Variants in RIMBP2 observed in about 807,000 individuals in gnomAD.
RIMBP2 encodes RIMS-binding protein 2.
A neutral mutation model predicts 118.6 loss-of-function variants in RIMBP2; 48 were observed. That is an observed-to-expected ratio of 0.40 (90% CI 0.32 to 0.51). The LOEUF is 0.51. Ranked by LOEUF, RIMBP2 falls within the 20% of genes least tolerant of loss-of-function variation. RIMBP2 has a pLI of 0.41. For synonymous variants in RIMBP2, 762 were observed against 742.9 expected (o/e 1.03, Z -0.42); for missense variants, 1,551 against 1,768.3 (o/e 0.88, Z 2.20).
At chr12:130,501,319 C>T (rs762206658) in intron 4 of RIMBP2, among the ~76,000 whole-genome samples, 3 of 152,138 alleles carry the variant, frequency 2.0e-5, no homozygotes, top group Non-Finnish European at 2.9e-5. Flanking sequence ...TGGAGTGACC[C>T]TCTACAAACC....
At chr12:130,665,495 G>A (rs535391206) in intron 1 of RIMBP2, among the ~76,000 whole-genome samples, 3 of 151,156 alleles carry the variant, frequency 2.0e-5, no homozygotes, top group Non-Finnish European at 4.4e-5. Context: ...ACAGCGAGCC[G>A]AGATCACGCC....
At chr12:130,640,356 T>A (rs982377026) in intron 1 of RIMBP2, among the ~76,000 whole-genome samples, 5 of 152,260 alleles carry the variant, frequency 3.3e-5, no homozygotes, top group African/African-American at 1.2e-4. Context: ...GGAACAATTA[T>A]GTATGGAACC....
intron 1 of RIMBP2, among the ~76,000 whole-genome samples, chr12:130,662,221 G>T (rs953889645): frequency 1.3e-5 from 2 of 152,100 alleles, no homozygotes; most frequent in African/African-American, 4.8e-5. Context: ...TCTGGGGAGA[G>T]GTCAGTCTGG....
At position 130,693,353 on chromosome 12, in the gene RIMBP2, C is replaced by T. The variant is rs189440575; in HGVS notation, c.-352+22869G>A. The stretch of plus-strand genomic sequence containing the variant: ...CAATTGGGGAAAGTCTGGGTATACA[C>T]ACACTTGCAGACAATCCCATGCTAT... On this transcript the variant is annotated intron_variant, in intron 1 of 22. Coordinates refer to ENST00000690449, the MANE Select transcript of RIMBP2 (RefSeq NM_001393629.1). Among the ~76,000 whole-genome samples, 173 of 152,344 alleles carry T rather than the reference C, an allele frequency of 1.1e-3. 1 individual carries two copies. Among genetic ancestry groups the T allele is most frequent in the African/African-American group, 4.0e-3 (168 of 41,578 alleles).
At chr12:130,552,509 G>C (rs11060990) in intron 2 of RIMBP2, among the ~76,000 whole-genome samples, 6,111 of 152,186 alleles carry the variant, frequency 0.04, 397 homozygotes, top group African/African-American at 0.14. Flanking sequence ...ATGATAATGA[G>C]AGTGTTCTTT....
At chr12:130,669,775 C>A (rs904310736) in intron 1 of RIMBP2, among the ~76,000 whole-genome samples, 1 of 152,078 alleles carries the variant, frequency 6.6e-6, no homozygotes, top group African/African-American at 2.4e-5. Flanking sequence ...GGTCAGAATA[C>A]CCTTTCCGAG....
At chr12:130,451,399 G>C (rs1449497954) in intron 7 of RIMBP2, 59 bp from the exon 8 acceptor site, 3 of 1,542,328 alleles carry the variant, frequency 1.9e-6, no homozygotes, top group East Asian at 2.3e-5. Context: ...GTCAAAGCAC[G>C]TTGGTCATGC....
chr12:130,401,442 T>C (rs2074558140), intron 21 of RIMBP2, among the ~76,000 whole-genome samples: 1 of 152,044 alleles, frequency 6.6e-6, no homozygotes, highest in South Asian at 2.1e-4. Flanking sequence ...ATGTAGATTT[T>C]ATCACAAAAA....
intron 1 of RIMBP2, among the ~76,000 whole-genome samples, chr12:130,673,954 C>CAAAA (rs34875722): frequency 7.0e-6 from 1 of 142,712 alleles, no homozygotes; most frequent in African/African-American, 2.6e-5. Context: ...TTTAAAAATA[C>CAAAA]AAAAAAAAAA....
At position 130,480,578 on chromosome 12, in the gene RIMBP2, T is replaced by A. The variant is rs890948289; in HGVS notation, c.-3-1562A>T. Among the ~76,000 whole-genome samples, 6 of 152,210 alleles carry A rather than the reference T, an allele frequency of 3.9e-5. 1 individual carries two copies. The highest frequency in any genetic ancestry group is 3.9e-4 in the Admixed American group (6 of 15,284). On this transcript the variant is annotated intron_variant, in intron 4 of 22. Coordinates refer to ENST00000690449, the MANE Select transcript of RIMBP2 (RefSeq NM_001393629.1). Reference sequence around the variant, plus strand: ...TTTTATTATTTTACAATTCCATTGATTTTTAGCCTTTTACTCATTTTTATT... The same window carrying A: ...TTTTATTATTTTACAATTCCATTGAATTTTAGCCTTTTACTCATTTTTATT...
At chr12:130,680,995 AG>A (rs1339911976) in intron 1 of RIMBP2, among the ~76,000 whole-genome samples, 1 of 152,266 alleles carries the variant, frequency 6.6e-6, no homozygotes, top group African/African-American at 2.4e-5. Flanking sequence ...TAGCATCTAC[AG>A]GGCATTCTCT....
At chr12:130,652,994 G>C (rs187148947) in intron 1 of RIMBP2, among the ~76,000 whole-genome samples, 29 of 152,254 alleles carry the variant, frequency 1.9e-4, no homozygotes, top group African/African-American at 6.7e-4. Flanking sequence ...CAACAGTGAG[G>C]ATCACATTTT....
chr12:130,680,588 C>T (rs2064734164), intron 1 of RIMBP2, among the ~76,000 whole-genome samples: 2 of 152,318 alleles, frequency 1.3e-5, no homozygotes, highest in South Asian at 2.1e-4. Flanking sequence ...TCTAGGACCG[C>T]GGCTCTCGGG....
chr12:130,475,645 A>C lies in RIMBP2; in HGVS notation c.102+3267T>G, dbSNP rs772375714. Among the ~76,000 whole-genome samples, 1 of 152,190 alleles carries C rather than the reference A, an allele frequency of 6.6e-6. No individual in the cohort carries two copies. The highest frequency in any genetic ancestry group is 1.5e-5 in the Non-Finnish European group (1 of 68,024). On this transcript the variant is annotated intron_variant, in intron 5 of 22. Transcript: ENST00000690449. This position sits in a 1 kb window ranked among gnomAD's most constrained non-coding sequence, Gnocchi z 4.1. ...TCTCCAAGGGGAAAATGGAATCAGAAGCCCCCCAGAGGACTGAGACTCTCT... is the reference window on the plus strand; with the variant it reads ...TCTCCAAGGGGAAAATGGAATCAGACGCCCCCCAGAGGACTGAGACTCTCT...
intron 2 of RIMBP2, among the ~76,000 whole-genome samples, chr12:130,552,302 T>C (rs934174539): frequency 6.6e-6 from 1 of 152,234 alleles, no homozygotes; most frequent in Non-Finnish European, 1.5e-5. Context: ...ATATTTTTCA[T>C]GTGATAACCA....
At chr12:130,698,015 G>GCGGTCAC (rs2065655924) in intron 1 of RIMBP2, among the ~76,000 whole-genome samples, 1 of 152,150 alleles carries the variant, frequency 6.6e-6, no homozygotes, top group Non-Finnish European at 1.5e-5. Context: ...CAGCTAACTT[G>GCGGTCAC]CGGTCACGGG....
intron 6 of RIMBP2, among the ~76,000 whole-genome samples, chr12:130,459,600 G>T (rs576142626): frequency 2.2e-4 from 33 of 152,354 alleles, no homozygotes; most frequent in African/African-American, 6.7e-4. Context: ...AGGGGGCTAA[G>T]GGCGGCTGAG....
Position 130,627,887 on chromosome 12 carries a change from AC to A in RIMBP2, c.-217+434del, listed in dbSNP as rs1225111263. Among the ~76,000 whole-genome samples the A allele has an allele frequency of 3.3e-5, 5 of 151,904 alleles. No homozygotes were observed. In the East Asian group the frequency reaches 9.7e-4, roughly 29 times the overall value. On this transcript the variant is annotated intron_variant, in intron 2 of 22. Transcript: ENST00000690449. ...CCTCTTTGCTCCCACGCTTACCTCC[AC>A]CTCCATTCAGAACTGGAAGTGATCT...
intron 2 of RIMBP2, among the ~76,000 whole-genome samples, chr12:130,557,991 T>C (rs1402648262): frequency 1.3e-5 from 2 of 152,196 alleles, no homozygotes; most frequent in Non-Finnish European, 2.9e-5. Context: ...CCTCATTGTG[T>C]TGCAGAAGGA....
Sources: allele counts gnomAD v4.1 joint callset (sites outside exome capture counted in the v4.1 genomes callset), GRCh38; gene constraint gnomAD v4.1.1; non-coding constraint Gnocchi (gnomAD v3.1); transcripts MANE v1.5; gene names NCBI Gene and HGNC (gene_info 2026-07-23, HGNC 2026-07-21).